Variants in CSGALNACT1 observed in about 807,000 individuals in gnomAD.
The protein encoded by CSGALNACT1 is chondroitin sulfate N-acetylgalactosaminyltransferase 1.
A neutral mutation model predicts 51.0 loss-of-function variants in CSGALNACT1; 52 were observed. That is an observed-to-expected ratio of 1.02 (90% CI 0.82 to 1.29). The LOEUF (loss-of-function observed/expected upper bound fraction) is 1.29. CSGALNACT1 is among the 50% of genes most tolerant of loss of function. CSGALNACT1 has a pLI of 0.00. For missense variants in CSGALNACT1, 935 were observed against 679.2 expected (o/e 1.38, Z -4.19); for synonymous variants, 341 against 254.4 (o/e 1.34, Z -3.24).
At chr8:19,465,968 G>A (rs1409554628) in intron 4 of CSGALNACT1, among the ~76,000 whole-genome samples, 6 of 152,114 alleles carry the variant, frequency 3.9e-5, no homozygotes, top group Non-Finnish European at 5.9e-5. Context: ...GAATAAACAA[G>A]GTAAAGTCTG....
chr8:19,434,347 TATA>T (rs2060065704), intron 6 of CSGALNACT1, among the ~76,000 whole-genome samples: 1 of 152,306 alleles, frequency 6.6e-6, no homozygotes, highest in African/African-American at 2.4e-5. Context: ...ATAAGAATAG[TATA>T]ATAAGTGCCC....
chr8:19,607,349 A>G (rs1411044687), upstream of CSGALNACT1, among the ~76,000 whole-genome samples: 1 of 152,212 alleles, frequency 6.6e-6, no homozygotes, highest in Non-Finnish European at 1.5e-5. Flanking sequence ...TAGGCTGGAG[A>G]GGATCCGCAT....
At chr8:19,712,089 G>C (rs868003354) in intron 1 of CSGALNACT1, among the ~76,000 whole-genome samples, 8 of 152,172 alleles carry the variant, frequency 5.3e-5, no homozygotes, top group African/African-American at 1.9e-4. Context: ...GCAGTGGCGC[G>C]ATCTCGGCTC....
chr8:19,701,152 C>T lies in CSGALNACT1; in HGVS notation c.-297+56698G>A, dbSNP rs1303345456. Among the ~76,000 whole-genome samples the T allele has an allele frequency of 4.0e-4, 22 of 54,322 alleles. No homozygotes were observed. In the South Asian group the frequency reaches 0.015, roughly 38 times the overall value. The allele number at this position is 54,322 out of a possible 152,430, so 35.6% of individuals were successfully genotyped here. A position where few individuals can be genotyped will look rare whatever the true frequency, so the allele number is the denominator to read the frequency against. On this transcript the variant is annotated intron_variant, in intron 1 of 1. Transcript: ENST00000517494. The stretch of plus-strand genomic sequence containing the variant: ...AGAAAATTTCAGTTCATCTATTATC[C>T]GTTTTTTTTTTTTTTTTTTTTGATA...
upstream of CSGALNACT1, chr8:19,682,893 A>G: frequency 2.7e-6 from 1 of 365,824 alleles, no homozygotes; most frequent in Non-Finnish European, 5.5e-6. Context: ...ACCGCTGTCA[A>G]GCAACCCCAT....
intron 4 of CSGALNACT1, among the ~76,000 whole-genome samples, chr8:19,484,633 A>G (rs547477854): frequency 6.6e-6 from 1 of 152,332 alleles, no homozygotes; most frequent in South Asian, 2.1e-4. Context: ...CAATTCCTCC[A>G]GATTCCCAGA....
upstream of CSGALNACT1, among the ~76,000 whole-genome samples, chr8:19,604,503 T>C (rs1445394296): frequency 1.4e-4 from 22 of 152,162 alleles, no homozygotes; most frequent in Admixed American, 1.4e-3. Context: ...AGTCAGGATC[T>C]TTCTAACTTT....
chr8:19,479,856 CT>C (rs2070873035), intron 4 of CSGALNACT1, among the ~76,000 whole-genome samples: 1 of 83,292 alleles, frequency 1.2e-5, no homozygotes, highest in African/African-American at 3.9e-5. Flanking sequence ...AAAGATTCCT[CT>C]CCGTAGATCA....
At chr8:19,435,895 C>T (rs1277223667) in intron 6 of CSGALNACT1, among the ~76,000 whole-genome samples, 1 of 152,152 alleles carries the variant, frequency 6.6e-6, no homozygotes, top group Non-Finnish European at 1.5e-5. Flanking sequence ...CACACACACG[C>T]ACACACATTG....
chr8:19,601,918 T>C, intron 1 of CSGALNACT1, 53 bp from the exon 2 acceptor site: 2 of 452,788 alleles, frequency 4.4e-6, no homozygotes, highest in South Asian at 3.1e-5. Context: ...ATGTCTTAAA[T>C]GTATGTGGTA....
chr8:19,516,527 T>G (rs11782907), intron 3 of CSGALNACT1, among the ~76,000 whole-genome samples: 6 of 152,128 alleles, frequency 3.9e-5, no homozygotes, highest in Non-Finnish European at 8.8e-5. Flanking sequence ...TTAAAATGTT[T>G]TGTACCCCCA....
intron 3 of CSGALNACT1, among the ~76,000 whole-genome samples, chr8:19,569,888 T>G (rs550233176): frequency 3.0e-4 from 45 of 152,304 alleles, no homozygotes; most frequent in Admixed American, 1.2e-3. Context: ...AACAAACTAC[T>G]GCTACATGCA....
intron 1 of CSGALNACT1, among the ~76,000 whole-genome samples, chr8:19,638,112 C>A (rs2056316267): frequency 6.8e-6 from 1 of 147,592 alleles, no homozygotes; most frequent in Non-Finnish European, 1.5e-5. Context: ...CAACGACTGT[C>A]TAAAATAAGC....
chr8:19,700,527 C>T (rs998713583), intron 1 of CSGALNACT1, among the ~76,000 whole-genome samples: 1 of 152,106 alleles, frequency 6.6e-6, no homozygotes, highest in South Asian at 2.1e-4. Flanking sequence ...TATGACACAG[C>T]CTTCCTCACC....
intron 2 of CSGALNACT1, among the ~76,000 whole-genome samples, chr8:19,591,894 A>G (rs1302379327): frequency 1.3e-5 from 2 of 152,210 alleles, no homozygotes; most frequent in South Asian, 2.1e-4. Context: ...ATTTTTAAAA[A>G]TCTGCCATCA....
chr8:19,725,784 AAGATACAC>A (rs1252355818), intron 1 of CSGALNACT1, among the ~76,000 whole-genome samples: 20 of 152,146 alleles, frequency 1.3e-4, no homozygotes, highest in African/African-American at 4.8e-4. Flanking sequence ...AATTGAAAGG[AAGATACAC>A]AGATTTCCCA....
At chr8:19,506,525 G>C (rs144749204) in intron 3 of CSGALNACT1, among the ~76,000 whole-genome samples, 1 of 152,292 alleles carries the variant, frequency 6.6e-6, no homozygotes, top group East Asian at 1.9e-4. Flanking sequence ...CTACTTGGCC[G>C]GAGACTGTGC....
At position 19,434,509 on chromosome 8, in the gene CSGALNACT1, G is replaced by C. The variant is rs73212534; in HGVS notation, c.953+5321C>G. ...TCCCAAGAAGCAAGATACTCTCCTGGTTCATTAGAAAAATATAATAATCAT... is the reference window on the plus strand; with the variant it reads ...TCCCAAGAAGCAAGATACTCTCCTGCTTCATTAGAAAAATATAATAATCAT... On this transcript the variant is annotated intron_variant, in intron 6 of 9. Coordinates refer to ENST00000454498, the Ensembl canonical transcript of CSGALNACT1. Among the ~76,000 whole-genome samples the C allele has an allele frequency of 8.1e-3, 1,227 of 152,130 alleles. 10 individuals carry two copies. Among genetic ancestry groups the C allele is most frequent in the Non-Finnish European group, 0.013 (866 of 68,004 alleles).
upstream of CSGALNACT1, chr8:19,682,635 A>T: frequency 2.2e-6 from 1 of 454,040 alleles, no homozygotes; most frequent in South Asian, 1.6e-5. Context: ...TGTGTAAAAT[A>T]TTCAGGCAAC....
Sources: allele counts gnomAD v4.1 joint callset (sites outside exome capture counted in the v4.1 genomes callset), GRCh38; gene constraint gnomAD v4.1.1; transcripts MANE v1.5; gene names NCBI Gene and HGNC (gene_info 2026-07-23, HGNC 2026-07-21).